Variants in SDK1 observed in about 807,000 individuals in gnomAD.
SDK1 encodes the protein sidekick cell adhesion molecule 1.
A neutral mutation model predicts 245.5 loss-of-function variants in SDK1; 157 were observed. The ratio of observed to expected loss-of-function variants is 0.64; its 90% CI spans 0.56 to 0.73. SDK1 has a LOEUF of 0.73. Among genes scored for constraint, SDK1 ranks in the 30% least tolerant of loss-of-function variants. The pLI, the probability that SDK1 is intolerant of heterozygous loss-of-function variation, is 0.00. For synonymous variants in SDK1, 1,647 were observed against 1,278.5 expected (o/e 1.29, Z -6.15); for missense variants, 3,583 against 3,002.3 (o/e 1.19, Z -4.52).
At chr7:3,337,062 G>C (rs1780221016) in intron 1 of SDK1, among the ~76,000 whole-genome samples, 1 of 152,110 alleles carries the variant, frequency 6.6e-6, no homozygotes, top group African/African-American at 2.4e-5. Flanking sequence ...CCAAGATCCA[G>C]GAATATCACC....
rs1237211258 is a variant in SDK1, at chr7:3,307,819, C to T, written c.298+5935C>T. Among the ~76,000 whole-genome samples the T allele has an allele frequency of 3.6e-4, 54 of 151,854 alleles. 1 individual carries two copies. The highest frequency in any genetic ancestry group is 1.5e-5 in the Non-Finnish European group (1 of 67,968). Reference sequence around the variant, plus strand: ...TAGTCTCTCTGAGTCTGTTTTCTCACCTATAAAAGGAGGGATTAGACTAGA... The same window carrying T: ...TAGTCTCTCTGAGTCTGTTTTCTCATCTATAAAAGGAGGGATTAGACTAGA... On this transcript the variant is annotated intron_variant, in intron 1 of 44. Transcript: ENST00000404826.
chr7:3,604,207 T>A (rs963235799), intron 1 of SDK1, among the ~76,000 whole-genome samples: 23 of 152,228 alleles, frequency 1.5e-4, no homozygotes, highest in African/African-American at 5.5e-4. Flanking sequence ...TAAAATGAGT[T>A]AGAGAGGATT....
At chr7:3,965,259 C>A (rs1442306980) in intron 9 of SDK1, among the ~76,000 whole-genome samples, 1 of 152,036 alleles carries the variant, frequency 6.6e-6, no homozygotes, top group Non-Finnish European at 1.5e-5. Flanking sequence ...CAGTGAGAGA[C>A]TTAGGAATGA....
chr7:4,017,148 G>C (rs1381881423), intron 16 of SDK1, 23 bp from the exon 17 acceptor site: 3 of 1,588,104 alleles, frequency 1.9e-6, no homozygotes, highest in Non-Finnish European at 2.6e-6. Flanking sequence ...TCCTTATCGT[G>C]ATGGGCTTCC....
At chr7:3,901,743 G>A (rs899006708) in intron 5 of SDK1, among the ~76,000 whole-genome samples, 3 of 152,172 alleles carry the variant, frequency 2.0e-5, no homozygotes, top group Non-Finnish European at 1.5e-5. Context: ...TTACCACGAT[G>A]TTTGTGTCCT....
intron 4 of SDK1, among the ~76,000 whole-genome samples, chr7:3,787,368 G>C (rs1470862940): frequency 6.6e-6 from 1 of 152,110 alleles, no homozygotes; most frequent in Non-Finnish European, 1.5e-5. Flanking sequence ...TTCATTTGCA[G>C]AAAAGCAAAG....
At chr7:4,261,307 C>T (rs532722172) in intron 44 of SDK1, among the ~76,000 whole-genome samples, 5 of 152,134 alleles carry the variant, frequency 3.3e-5, no homozygotes, top group East Asian at 1.9e-4. Context: ...CATCACTCAC[C>T]GCACCCAGGG....
chr7:3,430,004 T>G (rs1012389433), intron 1 of SDK1, among the ~76,000 whole-genome samples: 3 of 152,250 alleles, frequency 2.0e-5, no homozygotes, highest in East Asian at 1.9e-4. Context: ...TTAAAATACA[T>G]GCAGTCACTG....
At chr7:3,311,183 G>A (rs1215477009) in intron 1 of SDK1, among the ~76,000 whole-genome samples, 51 of 152,142 alleles carry the variant, frequency 3.4e-4, no homozygotes. Context: ...CAGGGCGATG[G>A]GCCTGGGGGG....
At chr7:4,139,644 TGTATA>T (rs1779406319) in intron 28 of SDK1, among the ~76,000 whole-genome samples, 3 of 71,970 alleles carry the variant, frequency 4.2e-5, no homozygotes, top group South Asian at 4.6e-4. Context: ...TATATGTGTG[TGTATA>T]TGTGTGTGTG....
intron 1 of SDK1, among the ~76,000 whole-genome samples, chr7:3,556,310 A>G (rs911022970): frequency 6.6e-6 from 1 of 152,188 alleles, no homozygotes; most frequent in East Asian, 1.9e-4. Context: ...CAGAAGGACA[A>G]ACTTCATGTG....
chr7:4,184,306 C>G (rs1300772253), intron 35 of SDK1, among the ~76,000 whole-genome samples: 1 of 152,222 alleles, frequency 6.6e-6, no homozygotes, highest in Admixed American at 6.5e-5. Flanking sequence ...AGCGTCGGCT[C>G]TACTGTTTAC....
intron 4 of SDK1, among the ~76,000 whole-genome samples, chr7:3,802,904 G>T (rs1779141734): frequency 6.6e-6 from 1 of 152,126 alleles, no homozygotes. Context: ...CAAGGTTTTG[G>T]TTGTTACAAA....
At chr7:3,978,542 C>G (rs1484555650) in intron 13 of SDK1, among the ~76,000 whole-genome samples, 1 of 152,152 alleles carries the variant, frequency 6.6e-6, no homozygotes, top group Non-Finnish European at 1.5e-5. Context: ...GTTAGTGTCA[C>G]GAAGGCTCCT....
At chr7:3,591,959 C>G (rs1226462143) in intron 1 of SDK1, among the ~76,000 whole-genome samples, 4 of 152,058 alleles carry the variant, frequency 2.6e-5, no homozygotes. Flanking sequence ...TCTTAGATGC[C>G]CGGATACAGA....
chr7:3,348,123 G>A (rs909156713), intron 1 of SDK1, among the ~76,000 whole-genome samples: 2 of 152,144 alleles, frequency 1.3e-5, no homozygotes, highest in Non-Finnish European at 2.9e-5. Flanking sequence ...TGGGGACGAT[G>A]TTTACATCAC....
At chr7:3,373,636 CT>C (rs11456010) in intron 1 of SDK1, among the ~76,000 whole-genome samples, 306 of 148,430 alleles carry the variant, frequency 2.1e-3, no homozygotes, top group Non-Finnish European at 1.6e-3. Context: ...ATGTTCTGTT[CT>C]TTTTTTTTTT....
chr7:3,614,086 C>G (rs1283577830), intron 1 of SDK1, among the ~76,000 whole-genome samples: 2 of 152,052 alleles, frequency 1.3e-5, no homozygotes, highest in South Asian at 4.1e-4. Context: ...ACAAGTTTAC[C>G]TATGTAACAA....
chr7:4,061,658 T>C (rs1369585962), intron 19 of SDK1, among the ~76,000 whole-genome samples: 4 of 152,156 alleles, frequency 2.6e-5, no homozygotes, highest in Admixed American at 2.0e-4. Context: ...CTATAAATCA[T>C]GCTGCTATAA....
Sources: allele counts gnomAD v4.1 joint callset (sites outside exome capture counted in the v4.1 genomes callset), GRCh38; gene constraint gnomAD v4.1.1; transcripts MANE v1.5; gene names NCBI Gene and HGNC (gene_info 2026-07-23, HGNC 2026-07-21).